GALNTL6: variants seen among roughly 807,000 people sequenced by gnomAD.
GALNTL6 encodes the protein polypeptide N-acetylgalactosaminyltransferase-like 6.
A neutral mutation model predicts 73.7 loss-of-function variants in GALNTL6; 46 were observed. The observed-to-expected ratio is 0.62, with a 90% CI of 0.49 to 0.80. The LOEUF is 0.80. Among genes scored for constraint, GALNTL6 ranks in the 30% least tolerant of loss-of-function variants. GALNTL6 has a pLI of 0.00. For synonymous variants in GALNTL6, 259 were observed against 263.7 expected (o/e 0.98, Z 0.17); for missense variants, 604 against 755.0 (o/e 0.80, Z 2.34).
chr4:172,905,299 T>C (rs1013127946), intron 8 of GALNTL6, among the ~76,000 whole-genome samples: 3 of 152,206 alleles, frequency 2.0e-5, no homozygotes, highest in Non-Finnish European at 4.4e-5. Flanking sequence ...TATAGTCTTA[T>C]TAAAAAGTGG....
chr4:171,827,776 C>T (rs1054985591), intron 2 of GALNTL6, among the ~76,000 whole-genome samples: 6 of 152,088 alleles, frequency 3.9e-5, no homozygotes, highest in Non-Finnish European at 8.8e-5. Context: ...CCTTCATTAT[C>T]TTTACTCTCA....
At chr4:172,027,885 G>A (rs530652380) in intron 2 of GALNTL6, among the ~76,000 whole-genome samples, 3 of 152,250 alleles carry the variant, frequency 2.0e-5, no homozygotes, top group East Asian at 3.9e-4. Context: ...GATAGAACAG[G>A]TGAGGAAGCT....
At position 172,866,287 on chromosome 4, in the gene GALNTL6, C is replaced by T. The variant is rs555011861; in HGVS notation, c.924-16503C>T. Among the ~76,000 whole-genome samples, 6 of 152,052 alleles carry T rather than the reference C, an allele frequency of 3.9e-5. No individual in the cohort carries two copies. The South Asian group carries it at 6.2e-4, about 16-fold the overall frequency. ...GGGATGGTGTGTGTGAGTGCATATA[C>T]GAGAGAGAGGAAAGAGGTGGGGAGA... On this transcript the variant is annotated intron_variant, in intron 7 of 12. Coordinates refer to ENST00000506823, the MANE Select transcript of GALNTL6 (RefSeq NM_001034845.3).
rs149611889 is a variant in GALNTL6, at chr4:172,075,328, T to G, written c.139-154328T>G. On this transcript the variant is annotated intron_variant, in intron 2 of 12. Transcript: ENST00000506823. ...ACATTTTCAAGCCCAACAGGTATCT[T>G]TTTGTTTGTTTGTTTGTTTGTTTTG... Among the ~76,000 whole-genome samples, 574 of 152,156 alleles carry G rather than the reference T, an allele frequency of 3.8e-3. 5 individuals are homozygous for G. The highest frequency in any genetic ancestry group is 0.013 in the African/African-American group (539 of 41,538).
chr4:172,100,319 C>G (rs1732475355), intron 2 of GALNTL6, among the ~76,000 whole-genome samples: 1 of 152,032 alleles, frequency 6.6e-6, no homozygotes, highest in Non-Finnish European at 1.5e-5. Context: ...ATCCAAGCTC[C>G]AGAGAGCAGA....
intron 7 of GALNTL6, among the ~76,000 whole-genome samples, chr4:172,871,919 G>A (rs750416784): frequency 1.7e-4 from 26 of 151,944 alleles, no homozygotes; most frequent in East Asian, 5.8e-4. Flanking sequence ...GATTAGCTCC[G>A]ATTAGCTGGG....
At chr4:172,566,914 A>G (rs754649384) in intron 5 of GALNTL6, among the ~76,000 whole-genome samples, 9 of 152,050 alleles carry the variant, frequency 5.9e-5, no homozygotes, top group Non-Finnish European at 1.0e-4. Context: ...TTAAATATCT[A>G]CTTTTGGTGA....
intron 2 of GALNTL6, among the ~76,000 whole-genome samples, chr4:171,819,386 C>T (rs1019233346): frequency 6.6e-6 from 1 of 152,114 alleles, no homozygotes; most frequent in African/African-American, 2.4e-5. Context: ...ACACAGTCTT[C>T]TGTTCACAAT....
intron 5 of GALNTL6, among the ~76,000 whole-genome samples, chr4:172,404,763 TTTG>T (rs764353007): frequency 2.6e-5 from 4 of 152,118 alleles, no homozygotes; most frequent in Non-Finnish European, 5.9e-5. Flanking sequence ...AGCAGTCTAA[TTTG>T]TTGATTTCAA....
intron 7 of GALNTL6, among the ~76,000 whole-genome samples, chr4:172,842,449 T>C (rs868545126): frequency 1.3e-5 from 2 of 152,190 alleles, no homozygotes; most frequent in Middle Eastern, 3.2e-3. Flanking sequence ...TCTGCTCAAA[T>C]AAAGAGGCAT....
At chr4:172,176,748 C>T (rs948972030) in intron 2 of GALNTL6, among the ~76,000 whole-genome samples, 21 of 151,964 alleles carry the variant, frequency 1.4e-4, no homozygotes, top group African/African-American at 3.9e-4. Flanking sequence ...AGGATTGTAC[C>T]GTGGCGCTCT....
chr4:172,223,432 CAG>C (rs1381276532), intron 2 of GALNTL6, among the ~76,000 whole-genome samples: 1 of 152,062 alleles, frequency 6.6e-6, no homozygotes, highest in Non-Finnish European at 1.5e-5. Flanking sequence ...AGAAGAATAA[CAG>C]AAAAACCTTA....
chr4:173,035,823 C>T lies in GALNTL6; in HGVS notation c.1639-4110C>T, dbSNP rs188503813. On this transcript the variant is annotated intron_variant, in intron 12 of 12. Coordinates refer to ENST00000506823, the MANE Select transcript of GALNTL6 (RefSeq NM_001034845.3). ...CTAACTTTTGAAAATTCTATTTTGC[C>T]AGGACTTCAGAAAACACAATTTGGT... Among the ~76,000 whole-genome samples, 82 of 152,210 alleles carry T rather than the reference C, an allele frequency of 5.4e-4. No individual in the cohort carries two copies. In the East Asian group the frequency reaches 0.012, roughly 23 times the overall value.
At chr4:172,279,931 A>C (rs1382764416) in intron 3 of GALNTL6, among the ~76,000 whole-genome samples, 1 of 152,202 alleles carries the variant, frequency 6.6e-6, no homozygotes, top group South Asian at 2.1e-4. Flanking sequence ...ATGCTACATT[A>C]TGGATATAAT....
chr4:172,984,714 T>A (rs1751220400), intron 10 of GALNTL6, among the ~76,000 whole-genome samples: 1 of 152,198 alleles, frequency 6.6e-6, no homozygotes, highest in South Asian at 2.1e-4. Flanking sequence ...AACCTCAGTA[T>A]CATGCAGTAT....
At chr4:172,918,347 T>G (rs1747634689) in intron 8 of GALNTL6, among the ~76,000 whole-genome samples, 1 of 151,502 alleles carries the variant, frequency 6.6e-6, no homozygotes, top group South Asian at 2.1e-4. Context: ...GTAACAAACT[T>G]CCACATTGTG....
Position 173,039,954 on chromosome 4 carries a change from G to A in GALNTL6, c.1660G>A (p.Val554Met), listed in dbSNP as rs756505903. ...CCAGGACAGAACATTATTCCATCCT[G>A]TGAGCAACAGCTGCATGGATTGCAA... Reference protein sequence around the residue: ...YRKDRTLFHPVSNSCMDCNPA... With the variant: ...YRKDRTLFHPMSNSCMDCNPA... The change falls in exon 13 of 13, where the codon GTG becomes ATG. Residue 554 changes from valine to methionine, a missense_variant. Transcript: ENST00000506823. The A allele has an allele frequency of 3.7e-6, 6 of 1,613,546 alleles. No individual in the cohort carries two copies. Among genetic ancestry groups the A allele is most frequent in the African/African-American group, 2.7e-5 (2 of 74,882 alleles).
intron 5 of GALNTL6, among the ~76,000 whole-genome samples, chr4:172,539,250 T>A (rs1735461089): frequency 6.6e-6 from 1 of 152,212 alleles, no homozygotes; most frequent in Admixed American, 6.5e-5. Context: ...ATTATTAGCA[T>A]CACCGTTAGC....
intron 3 of GALNTL6, among the ~76,000 whole-genome samples, chr4:172,236,273 A>T (rs1483439311): frequency 6.6e-6 from 1 of 152,204 alleles, no homozygotes. Flanking sequence ...TAATCTTTAT[A>T]AAAGTATATT....
Sources: allele counts gnomAD v4.1 joint callset (sites outside exome capture counted in the v4.1 genomes callset), GRCh38; gene constraint gnomAD v4.1.1; transcripts MANE v1.5; gene names NCBI Gene and HGNC (gene_info 2026-07-23, HGNC 2026-07-21).